SLC35E1: variants seen among roughly 807,000 people sequenced by gnomAD.
SLC35E1 encodes solute carrier family 35 member E1.
Under a neutral mutation model 31.0 loss-of-function variants are expected in SLC35E1, and 12 were observed. The observed-to-expected ratio is 0.39, with a 90% CI of 0.25 to 0.63. The LOEUF (loss-of-function observed/expected upper bound fraction) is 0.63, where lower values mean the gene tolerates loss of function less well. Ranked by LOEUF, SLC35E1 falls within the 20% of genes least tolerant of loss-of-function variation. The pLI, the probability that SLC35E1 is intolerant of heterozygous loss-of-function variation, is 0.52. For synonymous variants in SLC35E1, 257 were observed against 264.1 expected, an observed-to-expected ratio of 0.97 and a Z score of 0.26; for missense variants, 429 against 572.2, an observed-to-expected ratio of 0.75 and a Z score of 2.55.
chr19:16,561,533 C>G (rs570845587), intron 4 of SLC35E1, among the ~76,000 whole-genome samples: 1 of 152,298 alleles, frequency 6.6e-6, no homozygotes, highest in South Asian at 2.1e-4. Context: ...GCATTCTGTC[C>G]AAGTTTTGAA....
rs540457168 is a variant in SLC35E1, at chr19:16,556,423, C to T, written c.757-1026G>A. Among the ~76,000 whole-genome samples, 8 of 152,060 alleles carry T rather than the reference C, an allele frequency of 5.3e-5. No individual in the cohort carries two copies. The East Asian group carries it at 1.5e-3, about 29-fold the overall frequency. The stretch of plus-strand genomic sequence containing the variant: ...ACCTGGGAGGCTGAGGTGGGAGGAT[C>T]GCTTGAGCCTAGGAGTTCAAGGCTA... On this transcript the variant is annotated intron_variant, in intron 4 of 5. Transcript: ENST00000595753.
In SLC35E1 at chr19:16,566,521, G is replaced by A. The variant is rs2085933186; in HGVS notation, c.756+11C>T. On this transcript the variant is annotated intron_variant, in intron 4 of 5. Transcript: ENST00000595753. ...AAGAAAATGGCGTGTTCTTGGTGCT[G>A]TACAACTCACCAAGTCGCTGCTGAC... The A allele has an allele frequency of 1.2e-6, 2 of 1,612,568 alleles. No individual in the cohort carries two copies. The highest frequency in any genetic ancestry group is 3.3e-5 in the Admixed American group (2 of 60,020).
At chr19:16,562,921 C>T (rs1158207938) in intron 4 of SLC35E1, among the ~76,000 whole-genome samples, 1 of 152,138 alleles carries the variant, frequency 6.6e-6, no homozygotes, top group Admixed American at 6.5e-5. Context: ...CCATGTTGAC[C>T]AGGCTGGTCT....
At chr19:16,563,653 A>G (rs1398920870) in intron 4 of SLC35E1, among the ~76,000 whole-genome samples, 1 of 152,098 alleles carries the variant, frequency 6.6e-6, no homozygotes, top group African/African-American at 2.4e-5. Flanking sequence ...GATAATTTTT[A>G]TATTTTTTCT....
At chr19:16,566,317 C>A (rs2122344859) in intron 4 of SLC35E1, 2 of 582,692 alleles carry the variant, frequency 3.4e-6, no homozygotes, top group Non-Finnish European at 5.8e-6. Context: ...CACCTGGGAT[C>A]AAGCACACCA....
At chr19:16,558,039 T>G (rs183979644) in intron 4 of SLC35E1, among the ~76,000 whole-genome samples, 64 of 151,568 alleles carry the variant, frequency 4.2e-4, no homozygotes, top group Middle Eastern at 3.4e-3. Flanking sequence ...GTGAAGTTTT[T>G]TTTTTGTTTT....
At chr19:16,554,781 C>T (rs1665590184) in intron 5 of SLC35E1, among the ~76,000 whole-genome samples, 2 of 141,956 alleles carry the variant, frequency 1.4e-5, no homozygotes, top group African/African-American at 5.3e-5. Context: ...TGGAGCGCCA[C>T]TGCAATCCAG....
At chr19:16,556,487 C>T (rs957071671) in intron 4 of SLC35E1, among the ~76,000 whole-genome samples, 7 of 152,092 alleles carry the variant, frequency 4.6e-5, no homozygotes, top group Non-Finnish European at 8.8e-5. Flanking sequence ...CCAGCCTGGG[C>T]GACAGTGTAA....
intron 4 of SLC35E1, among the ~76,000 whole-genome samples, chr19:16,563,323 AAAAAT>A (rs200971382): frequency 2.6e-5 from 4 of 151,364 alleles, no homozygotes; most frequent in South Asian, 2.1e-4. Context: ...CTCCGTCTCA[AAAAAT>A]AAAATAAAAT....
rs2085853145 is a variant in SLC35E1, at chr19:16,552,951, GGAGAAGA to G, written c.*721_*727del. On this transcript the variant is annotated 3_prime_UTR_variant, in exon 6 of 6. Transcript: ENST00000595753. ...CTCTGGTGAGGGAAGAGGAGGCAAA[GGAGAAGA>G]GAGAAGTTTCCCTTCCATCTGGATC... 6.6e-6 allele frequency: 1 copy of G among 152,260 alleles called. No individual in the cohort carries two copies. 9.4% of individuals were successfully genotyped at this position (152,260 alleles called of 1,614,324 possible).
intron 1 of SLC35E1, 44 bp downstream of exon 1, chr19:16,571,900 C>G (rs769993317): frequency 4.6e-6 from 7 of 1,518,408 alleles, no homozygotes; most frequent in Middle Eastern, 1.9e-4. Context: ...AAACCCGAAG[C>G]GGCGGGCCCG....
intron 2 of SLC35E1, among the ~76,000 whole-genome samples, chr19:16,570,927 C>T: frequency 6.6e-6 from 1 of 151,968 alleles, no homozygotes; most frequent in Non-Finnish European, 1.5e-5. Flanking sequence ...GAAACCCTGT[C>T]TCTATTAAAA....
chr19:16,563,707 C>T (rs758633723), intron 4 of SLC35E1, among the ~76,000 whole-genome samples: 10 of 152,174 alleles, frequency 6.6e-5, no homozygotes, highest in Non-Finnish European at 1.5e-4. Flanking sequence ...TTTCGAACTC[C>T]TGGCCTCAAG....
At chr19:16,570,598 C>CT (rs1455848770) in intron 2 of SLC35E1, among the ~76,000 whole-genome samples, 5 of 152,200 alleles carry the variant, frequency 3.3e-5, no homozygotes, top group Non-Finnish European at 7.3e-5. Context: ...GGCTTGGCAT[C>CT]TTGAACAGAA....
chr19:16,559,463 TACAC>T (rs61643316), intron 4 of SLC35E1, among the ~76,000 whole-genome samples: 63,995 of 142,180 alleles, frequency 0.45, 16,585 homozygotes, highest in South Asian at 0.61. Context: ...CTACAAAAAA[TACAC>T]ACACACACAC....
intron 5 of SLC35E1, 38 bp from the exon 6 acceptor site, chr19:16,553,947 G>A (rs752794846): frequency 1.5e-5 from 22 of 1,513,504 alleles, no homozygotes; most frequent in African/African-American, 5.6e-5. Context: ...GGACATGCCC[G>A]GGGCATAAGA....
intron 4 of SLC35E1, chr19:16,565,669 C>CA (rs1446684160): frequency 6.5e-6 from 1 of 153,394 alleles, no homozygotes; most frequent in African/African-American, 2.4e-5. Context: ...AGGTGCGAGC[C>CA]ACCATGCCTG....
intron 4 of SLC35E1, among the ~76,000 whole-genome samples, chr19:16,560,408 T>C (rs2122332804): frequency 6.6e-6 from 1 of 152,076 alleles, no homozygotes; most frequent in East Asian, 1.9e-4. Flanking sequence ...GCAAAAGGGC[T>C]CATCCCATCC....
intron 2 of SLC35E1, among the ~76,000 whole-genome samples, chr19:16,568,508 T>A (rs962848106): frequency 6.6e-6 from 1 of 152,198 alleles, no homozygotes; most frequent in African/African-American, 2.4e-5. Context: ...TGATCCTCTA[T>A]AAGGCTCCCC....
Sources: allele counts gnomAD v4.1 joint callset (sites outside exome capture counted in the v4.1 genomes callset), GRCh38; gene constraint gnomAD v4.1.1; transcripts MANE v1.5; gene names NCBI Gene and HGNC (gene_info 2026-07-23, HGNC 2026-07-21).